Variants in EFCAB11 observed in about 807,000 individuals in gnomAD.
EFCAB11 encodes EF-hand calcium binding domain 11.
EFCAB11 carries 14 observed loss-of-function variants against 23.0 expected under a neutral mutation model. That is an observed-to-expected ratio of 0.61 (90% CI 0.40 to 0.95). The LOEUF is 0.95. Ranked by LOEUF, EFCAB11 falls within the 40% of genes least tolerant of loss-of-function variation. The pLI is 0.00. For synonymous variants in EFCAB11, 65 were observed against 66.6 expected (o/e 0.98, Z 0.11); for missense variants, 198 against 195.8 (o/e 1.01, Z -0.07).
intron 4 of EFCAB11, among the ~76,000 whole-genome samples, chr14:89,932,315 T>C (rs1485480098): frequency 6.6e-6 from 1 of 152,172 alleles, no homozygotes; most frequent in Non-Finnish European, 1.5e-5. Context: ...TTAGTACAAC[T>C]ATATAACTGT....
chr14:89,848,979 A>G (rs1018593058), intron 5 of EFCAB11: 11 of 152,186 alleles, frequency 7.2e-5, no homozygotes, highest in African/African-American at 2.7e-4. Context: ...TTGAAAAGGA[A>G]TAACGTTCAG....
chr14:89,954,754 T>C, upstream of EFCAB11: 1 of 1,522,350 alleles, frequency 6.6e-7, no homozygotes, highest in South Asian at 1.2e-5. Context: ...CCACCGCGGC[T>C]CAGGAAGCCG....
chr14:89,887,068 A>T (rs1286950), intron 5 of EFCAB11, among the ~76,000 whole-genome samples: 146,512 of 152,298 alleles, frequency 0.96, 70,614 homozygotes, highest in Middle Eastern at 0.99. Context: ...TTATTCAACA[A>T]GTGCTCTGAA....
chr14:89,803,328 GT>G (rs1402239736), intron 5 of EFCAB11, among the ~76,000 whole-genome samples: 1 of 152,198 alleles, frequency 6.6e-6, no homozygotes, highest in African/African-American at 2.4e-5. Flanking sequence ...ACACTCTAAG[GT>G]TTTGAAATGA....
chr14:89,831,758 C>G (rs766103542), intron 5 of EFCAB11, among the ~76,000 whole-genome samples: 1 of 152,134 alleles, frequency 6.6e-6, no homozygotes, highest in East Asian at 1.9e-4. Flanking sequence ...TACAAATTAA[C>G]AAAGATTGAA....
At chr14:89,820,219 AT>A (rs1217752424) in intron 5 of EFCAB11, among the ~76,000 whole-genome samples, 2 of 151,982 alleles carry the variant, frequency 1.3e-5, no homozygotes, top group African/African-American at 4.8e-5. Flanking sequence ...AGAGCTGTCG[AT>A]TTTTTTTCTT....
At chr14:89,820,417 C>T (rs1390638741) in intron 5 of EFCAB11, among the ~76,000 whole-genome samples, 2 of 152,036 alleles carry the variant, frequency 1.3e-5, no homozygotes, top group African/African-American at 4.8e-5. Context: ...CTTCTCCATT[C>T]CACCGCCCCC....
chr14:89,926,209 G>A (rs1890189634), intron 5 of EFCAB11, among the ~76,000 whole-genome samples: 1 of 152,130 alleles, frequency 6.6e-6, no homozygotes. Context: ...CAAATGAGTA[G>A]CAATTTTGAA....
chr14:89,923,582 T>C, intron 5 of EFCAB11: 5 of 708,780 alleles, frequency 7.1e-6, no homozygotes, highest in Non-Finnish European at 8.6e-6. Flanking sequence ...GTATAGCTGA[T>C]GACTGTTATC....
chr14:89,942,311 T>C lies in EFCAB11; in HGVS notation c.217+7786A>G, dbSNP rs140585359. ...CAGATGAATGTGCTCATCACAGATC[T>C]GCATGATAACTGTTCAGGAAATGAT... On this transcript the variant is annotated intron_variant, in intron 3 of 5. Transcript: ENST00000316738. Among the ~76,000 whole-genome samples the C allele has an allele frequency of 2.2e-3, 337 of 152,334 alleles. 3 individuals are homozygous for C. The highest frequency in any genetic ancestry group is 7.7e-3 in the African/African-American group (322 of 41,588).
chr14:89,828,436 CAG>C (rs1458911742), intron 5 of EFCAB11, among the ~76,000 whole-genome samples: 2 of 152,212 alleles, frequency 1.3e-5, no homozygotes, highest in Middle Eastern at 3.4e-3. Context: ...CTGAGTATGA[CAG>C]GGGTAGAAAC....
chr14:89,862,998 C>T (rs916978362), intron 5 of EFCAB11, among the ~76,000 whole-genome samples: 2 of 152,078 alleles, frequency 1.3e-5, no homozygotes, highest in African/African-American at 2.4e-5. Context: ...ATTTACTAAG[C>T]ATTTAATGTG....
intron 5 of EFCAB11, among the ~76,000 whole-genome samples, chr14:89,801,826 T>C (rs1885790720): frequency 6.6e-6 from 1 of 152,024 alleles, no homozygotes; most frequent in Non-Finnish European, 1.5e-5. Flanking sequence ...AAACCCCGTC[T>C]CTACTAAAAA....
At chr14:89,863,118 A>G (rs1294376304) in intron 5 of EFCAB11, among the ~76,000 whole-genome samples, 1 of 152,130 alleles carries the variant, frequency 6.6e-6, no homozygotes, top group Admixed American at 6.5e-5. Context: ...GAAAAAAAAA[A>G]TGAAGAGTAA....
intron 5 of EFCAB11, among the ~76,000 whole-genome samples, chr14:89,882,575 T>C (rs1270572171): frequency 6.6e-6 from 1 of 152,184 alleles, no homozygotes; most frequent in African/African-American, 2.4e-5. Context: ...ACTCATCTAC[T>C]CACCTTAAAA....
chr14:89,867,367 C>T (rs923848499), intron 5 of EFCAB11, among the ~76,000 whole-genome samples: 5 of 152,214 alleles, frequency 3.3e-5, no homozygotes, highest in Non-Finnish European at 5.9e-5. Context: ...CCAAACCTCA[C>T]CTCAACCAAT....
intron 5 of EFCAB11, among the ~76,000 whole-genome samples, chr14:89,819,808 C>G (rs1886451953): frequency 6.6e-6 from 1 of 151,882 alleles, no homozygotes; most frequent in African/African-American, 2.4e-5. Flanking sequence ...GTATACATAC[C>G]AAAAATTATT....
rs989448279 is a variant in EFCAB11, at chr14:89,952,371, A to C, written c.171+1535T>G. The C allele has an allele frequency of 3.0e-6, 3 of 985,196 alleles. No homozygotes were observed. In the African/African-American group the frequency reaches 5.2e-5, roughly 17 times the overall value. The allele number at this position is 985,196 out of a possible 1,614,324, so 61.0% of individuals were successfully genotyped here. On this transcript the variant is annotated intron_variant, in intron 2 of 5. Transcript: ENST00000316738. ...AAATAGACTCAAGGGTGATAAAGGC[A>C]AAAATGAGACAAGATACCTTTCCAG...
chr14:89,809,907 C>T (rs1444024534), intron 5 of EFCAB11, among the ~76,000 whole-genome samples: 2 of 152,184 alleles, frequency 1.3e-5, no homozygotes, highest in Non-Finnish European at 2.9e-5. Flanking sequence ...CTAAAGGAAA[C>T]AGGTATATTA....
Sources: gnomAD v4.1 joint callset for allele counts (sites outside exome capture counted in the v4.1 genomes callset) on GRCh38, gnomAD v4.1.1 for gene constraint, MANE v1.5 for transcripts, NCBI Gene and HGNC (gene_info 2026-07-23, HGNC 2026-07-21) for gene names.